The following HCN1 variants were observed in gnomAD, a reference collection of about 807,000 sequenced individuals.
HCN1 encodes the protein hyperpolarization activated cyclic nucleotide gated potassium channel 1, also known as potassium/sodium hyperpolarization-activated cyclic nucleotide-gated channel 1.
In HCN1, 13 loss-of-function variants were observed where a neutral mutation model predicts 78.9. That is an observed-to-expected ratio of 0.16 (90% CI 0.11 to 0.26). HCN1 has a LOEUF of 0.26. Among genes scored for constraint, HCN1 ranks in the 10% least tolerant of loss-of-function variants. HCN1 has a pLI of 1.00. For synonymous variants in HCN1, 552 were observed against 455.5 expected (o/e 1.21, Z -2.70); for missense variants, 810 against 1,154.3 (o/e 0.70, Z 4.32).
intron 4 of HCN1, among the ~76,000 whole-genome samples, chr5:45,372,257 AT>A (rs374927340): frequency 0.21 from 16,754 of 80,538 alleles, 2,251 homozygotes; most frequent in East Asian, 0.42. Context: ...TATAATATAT[AT>A]TTATATATAT....
At chr5:45,513,138 A>T (rs1742448854) in intron 2 of HCN1, among the ~76,000 whole-genome samples, 2 of 152,260 alleles carry the variant, frequency 1.3e-5, no homozygotes, top group South Asian at 2.1e-4. Flanking sequence ...AAACCCCTAG[A>T]TTTTGGCATT....
At chr5:45,516,505 T>A (rs368066206) in intron 2 of HCN1, among the ~76,000 whole-genome samples, 11 of 152,018 alleles carry the variant, frequency 7.2e-5, no homozygotes, top group African/African-American at 2.7e-4. Context: ...ATAGACAATA[T>A]TCATAAATAA....
intron 3 of HCN1, among the ~76,000 whole-genome samples, chr5:45,415,227 T>C (rs1740096406): frequency 6.6e-6 from 1 of 152,060 alleles, no homozygotes; most frequent in South Asian, 2.1e-4. Context: ...TTTTTTCTTT[T>C]CTAGATCAAT....
intron 1 of HCN1, among the ~76,000 whole-genome samples, chr5:45,650,754 A>G (rs1012498508): frequency 2.6e-5 from 4 of 151,974 alleles, no homozygotes; most frequent in African/African-American, 7.2e-5. Flanking sequence ...ATGATACTAA[A>G]TCAAGAAGAA....
Position 45,310,549 on chromosome 5 carries a change from G to A in HCN1, c.1378-6710C>T, listed in dbSNP as rs111966550. 1.4e-3 allele frequency among the ~76,000 whole-genome samples: 206 copies of A among 152,206 alleles called. 2 individuals are homozygous for A. Among genetic ancestry groups the A allele is most frequent in the African/African-American group, 4.8e-3 (200 of 41,542 alleles). On this transcript the variant is annotated intron_variant, in intron 5 of 7. Transcript: ENST00000303230. ...GGTGATGTTGTGGATAAAAAGGAAC[G>A]TTTATACACCCTTGATGGGAGCATA...
At position 45,294,200 on chromosome 5, in the gene HCN1, C is replaced by A. The variant is rs1465607962; in HGVS notation, c.1618+9399G>T. ...GATGTTTCAGTCCTCTTAGAGTTAA[C>A]GAATAGTCACGGTGACCATGATTGC... On this transcript the variant is annotated intron_variant, in intron 6 of 7. Coordinates refer to ENST00000303230, the MANE Select transcript of HCN1 (RefSeq NM_021072.4). Among the ~76,000 whole-genome samples the A allele has an allele frequency of 2.0e-5, 3 of 152,052 alleles. No homozygotes were observed. In the South Asian group the frequency reaches 6.2e-4, roughly 32 times the overall value.
intron 1 of HCN1, among the ~76,000 whole-genome samples, chr5:45,653,141 C>G (rs1745707646): frequency 6.6e-6 from 1 of 152,000 alleles, no homozygotes; most frequent in South Asian, 2.1e-4. Flanking sequence ...TCAGAGTCAT[C>G]ATCTTTGCCA....
chr5:45,311,636 G>A (rs1745853502), intron 5 of HCN1, among the ~76,000 whole-genome samples: 2 of 152,154 alleles, frequency 1.3e-5, no homozygotes, highest in South Asian at 4.2e-4. Context: ...ATCCATGGAG[G>A]ATATGTTGCC....
intron 5 of HCN1, among the ~76,000 whole-genome samples, chr5:45,337,131 G>A (rs546329211): frequency 4.3e-4 from 65 of 151,872 alleles, no homozygotes; most frequent in African/African-American, 1.5e-3. Flanking sequence ...CTTCCTCTTC[G>A]CCCCACCATC....
At chr5:45,402,811 T>TCCTC (rs1387683094) in intron 3 of HCN1, among the ~76,000 whole-genome samples, 67 of 106,356 alleles carry the variant, frequency 6.3e-4, no homozygotes, top group Non-Finnish European at 1.1e-3. Context: ...TTCCTTTCTT[T>TCCTC]CCTCCTTCCT....
At chr5:45,549,216 T>G (rs537355253) in intron 2 of HCN1, among the ~76,000 whole-genome samples, 188 of 152,248 alleles carry the variant, frequency 1.2e-3, no homozygotes, top group Middle Eastern at 3.4e-3. Context: ...AGAACAAAGC[T>G]GGAGGCATCA....
chr5:45,340,774 C>T (rs965675312), intron 5 of HCN1, among the ~76,000 whole-genome samples: 1 of 152,078 alleles, frequency 6.6e-6, no homozygotes, highest in African/African-American at 2.4e-5. Context: ...CTTCTTACAA[C>T]ACATCTGAAT....
intron 5 of HCN1, among the ~76,000 whole-genome samples, chr5:45,336,760 T>G (rs1046828457): frequency 6.6e-6 from 1 of 152,024 alleles, no homozygotes; most frequent in African/African-American, 2.4e-5. Context: ...GCTGGCAGAC[T>G]TTGTCTAGTG....
At chr5:45,622,910 A>C (rs1409155757) in intron 2 of HCN1, among the ~76,000 whole-genome samples, 1 of 152,198 alleles carries the variant, frequency 6.6e-6, no homozygotes, top group Middle Eastern at 3.2e-3. Flanking sequence ...AAGGACAACT[A>C]GGCCTTTCTT....
chr5:45,483,590 G>A (rs984431126), intron 2 of HCN1, among the ~76,000 whole-genome samples: 8 of 151,892 alleles, frequency 5.3e-5, no homozygotes, highest in African/African-American at 9.7e-5. Context: ...CTTTGTTGAC[G>A]GCTTCTTTTG....
At chr5:45,603,325 G>A (rs1415722727) in intron 2 of HCN1, among the ~76,000 whole-genome samples, 1 of 151,926 alleles carries the variant, frequency 6.6e-6, no homozygotes, top group Non-Finnish European at 1.5e-5. Flanking sequence ...TAGAACAATT[G>A]CCAGTATGTT....
intron 3 of HCN1, among the ~76,000 whole-genome samples, chr5:45,444,069 C>A (rs1740736027): frequency 6.6e-6 from 1 of 152,090 alleles, no homozygotes; most frequent in African/African-American, 2.4e-5. Context: ...AAAAGATTAA[C>A]TGTAAAAATA....
chr5:45,270,890 A>G (rs1306906948), intron 6 of HCN1, among the ~76,000 whole-genome samples: 6 of 152,170 alleles, frequency 3.9e-5, no homozygotes. Flanking sequence ...AAGTTTAGTC[A>G]AATTTTTTCT....
intron 2 of HCN1, among the ~76,000 whole-genome samples, chr5:45,626,975 T>C (rs924342869): frequency 6.6e-6 from 1 of 151,778 alleles, no homozygotes; most frequent in Non-Finnish European, 1.5e-5. Flanking sequence ...ATGCCATATA[T>C]ATATGTATAT....
Sources: allele counts gnomAD v4.1 joint callset (sites outside exome capture counted in the v4.1 genomes callset), GRCh38; gene constraint gnomAD v4.1.1; transcripts MANE v1.5; gene names NCBI Gene and HGNC (gene_info 2026-07-23, HGNC 2026-07-21).